FOXP2: variants seen among roughly 807,000 people sequenced by gnomAD.
FOXP2 encodes the protein forkhead box protein P2.
In FOXP2, 12 loss-of-function variants were observed where a neutral mutation model predicts 115.8. The observed-to-expected ratio is 0.10, with a 90% CI of 0.07 to 0.17. The LOEUF is 0.17. Ranked by LOEUF, FOXP2 falls within the 10% of genes least tolerant of loss-of-function variation. The pLI is 1.00. For missense variants in FOXP2, 629 were observed against 843.5 expected (o/e 0.75, Z 3.15); for synonymous variants, 328 against 297.7 (o/e 1.10, Z -1.05).
chr7:114,306,243 C>T (rs1276384708), intron 2 of FOXP2, among the ~76,000 whole-genome samples: 8 of 152,082 alleles, frequency 5.3e-5, no homozygotes, highest in Non-Finnish European at 7.4e-5. Flanking sequence ...ACTCTTAGAG[C>T]GAAAGGACTA....
intron 2 of FOXP2, among the ~76,000 whole-genome samples, chr7:114,534,008 T>C (rs1198804316): frequency 6.6e-6 from 1 of 151,958 alleles, no homozygotes; most frequent in Non-Finnish European, 1.5e-5. Flanking sequence ...TGAGTGGTAA[T>C]TTCTTTGTTC....
chr7:114,145,557 G>A (rs777793990), intron 1 of FOXP2, among the ~76,000 whole-genome samples: 5 of 147,250 alleles, frequency 3.4e-5, no homozygotes, highest in Admixed American at 1.4e-4. Flanking sequence ...GTGTGATCTC[G>A]GCTCACTGCA....
intron 2 of FOXP2, among the ~76,000 whole-genome samples, chr7:114,444,796 T>A (rs1794759232): frequency 6.6e-6 from 1 of 152,164 alleles, no homozygotes; most frequent in Non-Finnish European, 1.5e-5. Context: ...ATAGTTAATA[T>A]GTACTGCATG....
At chr7:114,616,664 T>C (rs897303563) in intron 3 of FOXP2, among the ~76,000 whole-genome samples, 1 of 152,212 alleles carries the variant, frequency 6.6e-6, no homozygotes, top group Non-Finnish European at 1.5e-5. Flanking sequence ...TCTCTGCTCT[T>C]ATTCTGCAGG....
At chr7:114,480,798 T>C (rs992811754) in intron 2 of FOXP2, among the ~76,000 whole-genome samples, 1 of 150,672 alleles carries the variant, frequency 6.6e-6, no homozygotes, top group Non-Finnish European at 1.5e-5. Flanking sequence ...CAACCGTATA[T>C]TACCTTTTGA....
At chr7:114,544,027 C>A (rs1242389051) in intron 3 of FOXP2, among the ~76,000 whole-genome samples, 3 of 151,952 alleles carry the variant, frequency 2.0e-5, no homozygotes, top group African/African-American at 7.3e-5. Context: ...TCTTCATTTT[C>A]TTTTTCTTAA....
intron 2 of FOXP2, among the ~76,000 whole-genome samples, chr7:114,473,496 G>A (rs1410056158): frequency 1.3e-5 from 2 of 152,142 alleles, no homozygotes; most frequent in African/African-American, 2.4e-5. Context: ...TAGATTCAAA[G>A]ATCTAGTTTT....
intron 2 of FOXP2, among the ~76,000 whole-genome samples, chr7:114,324,286 C>T (rs907381908): frequency 1.3e-5 from 2 of 151,724 alleles, no homozygotes; most frequent in African/African-American, 2.4e-5. Context: ...AAAATAAATG[C>T]CATAAGAATT....
At chr7:114,495,668 G>A (rs901127452) in intron 2 of FOXP2, among the ~76,000 whole-genome samples, 1 of 151,234 alleles carries the variant, frequency 6.6e-6, no homozygotes, top group Non-Finnish European at 1.5e-5. Context: ...ACCATGCTCC[G>A]CTATTTTTTT....
At chr7:114,593,168 T>C (rs367867777) in intron 3 of FOXP2, among the ~76,000 whole-genome samples, 17 of 152,090 alleles carry the variant, frequency 1.1e-4, no homozygotes, top group African/African-American at 4.1e-4. Flanking sequence ...CTTCAGACTT[T>C]TTTTCAAGAA....
chr7:114,405,959 T>C (rs1198338692), intron 2 of FOXP2, among the ~76,000 whole-genome samples: 1 of 151,902 alleles, frequency 6.6e-6, no homozygotes, highest in Admixed American at 6.6e-5. Flanking sequence ...TGGTCAGCAT[T>C]TCCATAGAAT....
chr7:114,146,454 A>T (rs753868600), intron 1 of FOXP2, among the ~76,000 whole-genome samples: 1 of 152,230 alleles, frequency 6.6e-6, no homozygotes, highest in Non-Finnish European at 1.5e-5. Context: ...GTGAGTGGAT[A>T]AATGAATGAG....
intron 10 of FOXP2, chr7:114,654,276 A>G: frequency 1.4e-6 from 1 of 722,584 alleles, no homozygotes; most frequent in South Asian, 1.9e-5. Context: ...CTGAAGCCAG[A>G]GAGAATTTCT....
intron 2 of FOXP2, among the ~76,000 whole-genome samples, chr7:114,377,372 A>T (rs1381912642): frequency 6.6e-6 from 1 of 152,180 alleles, no homozygotes; most frequent in Non-Finnish European, 1.5e-5. Flanking sequence ...GACATTGCCA[A>T]CTCCCACTTA....
At chr7:114,671,680 GA>G (rs139212165) in intron 16 of FOXP2, among the ~76,000 whole-genome samples, 8,930 of 150,466 alleles carry the variant, frequency 0.059, 397 homozygotes, top group Non-Finnish European at 0.091. Context: ...CAGTACCAGG[GA>G]AAAAAAAATG....
intron 1 of FOXP2, among the ~76,000 whole-genome samples, chr7:114,126,274 A>G (rs185192419): frequency 1.1e-3 from 170 of 151,192 alleles, no homozygotes; most frequent in Non-Finnish European, 1.4e-3. Flanking sequence ...TATTTATATA[A>G]ACATTCAAAA....
At chr7:114,560,522 A>G (rs1800710045) in intron 3 of FOXP2, among the ~76,000 whole-genome samples, 1 of 152,184 alleles carries the variant, frequency 6.6e-6, no homozygotes, top group Non-Finnish European at 1.5e-5. Context: ...AGGCAGAGGC[A>G]CAAGAATTGC....
intron 8 of FOXP2, among the ~76,000 whole-genome samples, chr7:114,649,586 T>A (rs114972925): frequency 0.02 from 2,986 of 152,200 alleles, 96 homozygotes; most frequent in African/African-American, 0.068. Context: ...AGTCATAAAT[T>A]CATAAATTCA....
chr7:114,327,828 C>CT (rs962732938), intron 2 of FOXP2, among the ~76,000 whole-genome samples: 10 of 149,834 alleles, frequency 6.7e-5, no homozygotes, highest in South Asian at 2.1e-4. Context: ...TTTGTCTTGT[C>CT]TTTTTTTTTC....
Sources: allele counts gnomAD v4.1 joint callset (sites outside exome capture counted in the v4.1 genomes callset), GRCh38; gene constraint gnomAD v4.1.1; transcripts MANE v1.5; gene names NCBI Gene and HGNC (gene_info 2026-07-23, HGNC 2026-07-21).